Variants in IL1RAPL2 observed in about 807,000 individuals in gnomAD.
IL1RAPL2 encodes the protein interleukin 1 receptor accessory protein like 2.
Under a neutral mutation model 44.1 loss-of-function variants are expected in IL1RAPL2, and 3 were observed. The observed-to-expected ratio is 0.07, with a 90% confidence interval of 0.03 to 0.18. The LOEUF (loss-of-function observed/expected upper bound fraction) is 0.18, where lower values mean the gene tolerates loss of function less well. IL1RAPL2 is among the 10% of genes least tolerant of loss of function. IL1RAPL2 has a pLI of 1.00. For synonymous variants in IL1RAPL2, 181 were observed against 178.8 expected (o/e 1.01, Z -0.10); for missense variants, 391 against 496.4 (o/e 0.79, Z 2.02).
intron 2 of IL1RAPL2, among the ~76,000 whole-genome samples, chrX:104,941,291 A>C (rs1925167502): frequency 9.0e-6 from 1 of 111,500 alleles, no homozygotes; most frequent in Non-Finnish European, 1.9e-5. Context: ...GTCTTCCACA[A>C]TGGTTGAACT....
In IL1RAPL2 at chrX:105,226,385, C is replaced by CTTTTTTTTTT. The variant is rs35192051; in HGVS notation, c.357-7412_357-7403dup. On this transcript the variant is annotated intron_variant, in intron 3 of 10. Coordinates refer to ENST00000372582, the MANE Select transcript of IL1RAPL2 (RefSeq NM_017416.2). ...GACCCTTTGCCATTCTTTCTTTTCC[C>CTTTTTTTTTT]TTTTTTTTTTTTTTTTTTTTTTTTT... Among the ~76,000 whole-genome samples the CTTTTTTTTTT allele has an allele frequency of 5.4e-4, 29 of 53,327 alleles. 1 individual carries two copies. Among genetic ancestry groups the CTTTTTTTTTT allele is most frequent in the African/African-American group, 2.5e-3 (26 of 10,494 alleles). 46.3% of individuals were successfully genotyped at this position (53,327 alleles called of 115,157 possible).
intron 6 of IL1RAPL2, among the ~76,000 whole-genome samples, chrX:105,710,055 C>T (rs939664981): frequency 7.2e-5 from 8 of 111,550 alleles, no homozygotes; most frequent in Non-Finnish European, 1.5e-4. Flanking sequence ...TGCTCTGTCT[C>T]ATCTTACTTT....
At chrX:105,684,640 C>A (rs974536004) in intron 6 of IL1RAPL2, among the ~76,000 whole-genome samples, 3 of 112,628 alleles carry the variant, frequency 2.7e-5, no homozygotes, top group Admixed American at 9.3e-5. Flanking sequence ...CTTCTGCAGA[C>A]TTAAACATCC....
intron 2 of IL1RAPL2, among the ~76,000 whole-genome samples, chrX:104,917,041 G>T (rs1924467853): frequency 9.0e-6 from 1 of 111,459 alleles, no homozygotes; most frequent in South Asian, 3.8e-4. Context: ...TTTTTTGGTT[G>T]TGTCTCTACC....
chrX:105,697,869 T>C (rs1342313055), intron 6 of IL1RAPL2, among the ~76,000 whole-genome samples: 1 of 111,880 alleles, frequency 8.9e-6, no homozygotes, highest in Non-Finnish European at 1.9e-5. Flanking sequence ...TTCTTCAAAA[T>C]TGCATAGTAA....
chrX:105,305,244 T>C (rs1451955937), intron 5 of IL1RAPL2, among the ~76,000 whole-genome samples: 2 of 111,078 alleles, frequency 1.8e-5, no homozygotes, highest in Non-Finnish European at 3.8e-5. Flanking sequence ...GAATAAGTTC[T>C]AGAGATCTGC....
chrX:105,427,137 G>A (rs1160217596), intron 5 of IL1RAPL2, among the ~76,000 whole-genome samples: 3 of 112,063 alleles, frequency 2.7e-5, no homozygotes, highest in Non-Finnish European at 5.6e-5. Flanking sequence ...TGGCCAACCA[G>A]GCCTAGTAAG....
At chrX:104,912,657 GC>G (rs1370005237) in intron 2 of IL1RAPL2, among the ~76,000 whole-genome samples, 3 of 111,558 alleles carry the variant, frequency 2.7e-5, no homozygotes, top group African/African-American at 9.8e-5. Context: ...ATATGGTAAA[GC>G]ATGTTAAGGC....
intron 5 of IL1RAPL2, among the ~76,000 whole-genome samples, chrX:105,483,596 C>A (rs2036246524): frequency 9.0e-6 from 1 of 111,225 alleles, no homozygotes; most frequent in Non-Finnish European, 1.9e-5. Context: ...TTCCCCAAAC[C>A]TTCCAGCGAA....
chrX:105,400,690 C>T (rs1255185086), intron 5 of IL1RAPL2, among the ~76,000 whole-genome samples: 2 of 111,332 alleles, frequency 1.8e-5, no homozygotes, highest in Non-Finnish European at 3.8e-5. Flanking sequence ...TTGGCTACAT[C>T]ATAGCAACTA....
intron 2 of IL1RAPL2, among the ~76,000 whole-genome samples, chrX:105,031,053 T>C (rs1311794424): frequency 1.8e-5 from 2 of 110,182 alleles, no homozygotes; most frequent in Non-Finnish European, 3.8e-5. Flanking sequence ...TTGTCTGTTA[T>C]TGGTGTATAA....
intron 6 of IL1RAPL2, among the ~76,000 whole-genome samples, chrX:105,573,127 C>T (rs888445466): frequency 7.2e-5 from 8 of 111,230 alleles, no homozygotes; most frequent in African/African-American, 2.0e-4. Context: ...GGTGTGATCA[C>T]GGCTCACTAC....
chrX:105,297,638 G>C (rs1395452260), intron 5 of IL1RAPL2, among the ~76,000 whole-genome samples: 1 of 110,830 alleles, frequency 9.0e-6, no homozygotes, highest in Non-Finnish European at 1.9e-5. Context: ...CACAAGAACA[G>C]GGTGGGGGAA....
chrX:105,560,136 C>T lies in IL1RAPL2; in HGVS notation c.772+75749C>T, dbSNP rs1569454062. ...ATGCACCATAGCCATCCCAACTTGCCTGAACTCTAGCAGTGGACATAACAA... is the reference window on the plus strand; with the variant it reads ...ATGCACCATAGCCATCCCAACTTGCTTGAACTCTAGCAGTGGACATAACAA... On this transcript the variant is annotated intron_variant, in intron 6 of 10. Transcript: ENST00000372582. 4.5e-5 allele frequency among the ~76,000 whole-genome samples: 5 copies of T among 111,727 alleles called. No homozygotes were observed. In the Admixed American group the frequency reaches 4.8e-4, roughly 11 times the overall value.
intron 2 of IL1RAPL2, among the ~76,000 whole-genome samples, chrX:105,011,360 A>T (rs1019459093): frequency 9.0e-6 from 1 of 111,310 alleles, no homozygotes; most frequent in South Asian, 3.7e-4. Context: ...TGCTTCTTTA[A>T]AAACAAAATT....
intron 2 of IL1RAPL2, among the ~76,000 whole-genome samples, chrX:105,079,853 C>A (rs929841311): frequency 6.3e-5 from 7 of 111,236 alleles, no homozygotes; most frequent in Non-Finnish European, 1.3e-4. Context: ...CACATCCTCT[C>A]CAGCATCTGT....
At chrX:105,160,961 A>G (rs756133571) in intron 2 of IL1RAPL2, among the ~76,000 whole-genome samples, 9 of 111,971 alleles carry the variant, frequency 8.0e-5, no homozygotes, top group Admixed American at 7.6e-4. Context: ...GCATGGTGGC[A>G]GGGCACATTG....
At chrX:104,804,903 A>T (rs1202727263) in intron 2 of IL1RAPL2, among the ~76,000 whole-genome samples, 1 of 112,404 alleles carries the variant, frequency 8.9e-6, no homozygotes, top group Non-Finnish European at 1.9e-5. Flanking sequence ...GGAGATAAAT[A>T]GTTCAAGGCA....
intron 2 of IL1RAPL2, among the ~76,000 whole-genome samples, chrX:104,852,270 A>G (rs1000295554): frequency 8.9e-6 from 1 of 112,386 alleles, no homozygotes; most frequent in Non-Finnish European, 1.9e-5. Context: ...AAAAGACAGA[A>G]TGAGGAGGAT....
Sources: gnomAD v4.1 joint callset for allele counts (sites outside exome capture counted in the v4.1 genomes callset) on GRCh38, gnomAD v4.1.1 for gene constraint, MANE v1.5 for transcripts, NCBI Gene and HGNC (gene_info 2026-07-23, HGNC 2026-07-21) for gene names.